The following POLE2 variants were observed in gnomAD, a reference collection of about 807,000 sequenced individuals.
The protein encoded by POLE2 is DNA polymerase epsilon 2, accessory subunit.
In POLE2, 56 loss-of-function variants were observed where a neutral mutation model predicts 79.4. The ratio of observed to expected loss-of-function variants is 0.71; its 90% confidence interval spans 0.57 to 0.88. The LOEUF (loss-of-function observed/expected upper bound fraction) is 0.88, where lower values mean the gene tolerates loss of function less well. Ranked by LOEUF, POLE2 falls within the 40% of genes least tolerant of loss-of-function variation. The probability of loss-of-function intolerance (pLI) is 0.00; values close to 1 mark genes in which losing one functional copy is unlikely to be tolerated. For synonymous variants in POLE2, 212 were observed against 214.0 expected, an observed-to-expected ratio of 0.99 and a Z score of 0.08; for missense variants, 598 against 638.9, an observed-to-expected ratio of 0.94 and a Z score of 0.69.
intron 10 of POLE2, among the ~76,000 whole-genome samples, chr14:49,660,903 G>A (rs1306624721): frequency 1.3e-5 from 2 of 152,110 alleles, no homozygotes; most frequent in Non-Finnish European, 2.9e-5. Context: ...AAAAAAGTTT[G>A]TGACCATGGA....
Position 49,666,363 on chromosome 14 carries a change from C to G in POLE2, c.543G>C (p.Ala181=). The change falls in exon 7 of 19, where the codon GCG becomes GCC. Residue 181 remains alanine, a synonymous_variant. Coordinates refer to ENST00000216367, the MANE Select transcript of POLE2 (RefSeq NM_002692.4). The part of the protein sequence containing the change: ...LLGSTTKIGD[A]IVLGMITQLK... ...ACTGCGTTATCATTCCAAGAACAAT[C>G]GCATCTCCGATTTTGGTTGTACTAC... 1 of 1,548,942 alleles carries G rather than the reference C, an allele frequency of 6.5e-7. No individual in the cohort carries two copies. The highest frequency in any genetic ancestry group is 8.7e-7 in the Non-Finnish European group (1 of 1,146,950).
rs187825020 is a variant in POLE2 at position 49,649,985 on chromosome 14, C to T, written c.1497+280G>A. 453 of 182,428 alleles carry T rather than the reference C, an allele frequency of 2.5e-3. 2 individuals carry two copies. The highest frequency in any genetic ancestry group is 5.5e-3 in the African/African-American group (235 of 42,802). The allele number at this position is 182,428 out of a possible 1,614,324, so 11.3% of individuals were successfully genotyped here. A position where few individuals can be genotyped will look rare whatever the true frequency, so the allele number is the denominator to read the frequency against. On this transcript the variant is annotated intron_variant, in intron 17 of 18. Coordinates refer to ENST00000216367, the MANE Select transcript of POLE2 (RefSeq NM_002692.4). ...CCAGAAAGGAATCCCAAGATAAGTT[C>T]TGAAGAGGAGAAAATTACTCTTTTG...
chr14:49,679,619 A>T, intron 3 of POLE2, 106 bp downstream of exon 3: 2 of 613,512 alleles, frequency 3.3e-6, no homozygotes, highest in Non-Finnish European at 5.9e-6. Context: ...TAACAACAGT[A>T]ATCACTGTAG....
At chr14:49,662,361 G>A (rs1885159074) in intron 10 of POLE2, among the ~76,000 whole-genome samples, 1 of 152,194 alleles carries the variant, frequency 6.6e-6, no homozygotes, top group Non-Finnish European at 1.5e-5. Flanking sequence ...ACAGTGGTGC[G>A]ATCTCGGCTC....
At chr14:49,649,186 G>T (rs1884005500) in intron 17 of POLE2, among the ~76,000 whole-genome samples, 1 of 119,148 alleles carries the variant, frequency 8.4e-6, no homozygotes, top group South Asian at 2.5e-4. Flanking sequence ...TCGCTCAGCT[G>T]CCCAGGCTGG....
At chr14:49,646,304 T>TTTTTG in intron 18 of POLE2, among the ~76,000 whole-genome samples, 1 of 43,268 alleles carries the variant, frequency 2.3e-5, no homozygotes, top group African/African-American at 8.6e-5. Flanking sequence ...TTTTGTTGGT[T>TTTTTG]TTTTTTTTTT....
chr14:49,666,143 C>T (rs1885474539), intron 7 of POLE2, among the ~76,000 whole-genome samples, 187 bp downstream of exon 7: 2 of 152,102 alleles, frequency 1.3e-5, no homozygotes, highest in South Asian at 4.1e-4. Flanking sequence ...CATTATTTAT[C>T]CTTGTTCCAA....
chr14:49,676,242 T>C (rs147105923), intron 3 of POLE2, among the ~76,000 whole-genome samples: 220 of 152,310 alleles, frequency 1.4e-3, no homozygotes, highest in African/African-American at 5.1e-3. Flanking sequence ...AGTTAAAAAT[T>C]TCCACAGCAC....
intron 10 of POLE2, among the ~76,000 whole-genome samples, chr14:49,660,996 C>T (rs1885062729): frequency 6.6e-6 from 1 of 152,140 alleles, no homozygotes; most frequent in Admixed American, 6.5e-5. Flanking sequence ...GTGGCAGGAT[C>T]TCAGCTCACT....
At chr14:49,649,720 A>C (rs2139607546) in intron 17 of POLE2, among the ~76,000 whole-genome samples, 1 of 152,306 alleles carries the variant, frequency 6.6e-6, no homozygotes, top group East Asian at 1.9e-4. Flanking sequence ...AAGTGCTGGG[A>C]TTACAGGTGT....
intron 6 of POLE2, among the ~76,000 whole-genome samples, 160 bp from the exon 7 acceptor site, chr14:49,666,573 T>C (rs12884076): frequency 0.19 from 29,583 of 152,114 alleles, 3,142 homozygotes; most frequent in African/African-American, 0.26. Context: ...AAATTAAACT[T>C]AGGATGTTTA....
chr14:49,656,312 C>T (rs1334916384), intron 10 of POLE2, among the ~76,000 whole-genome samples: 3 of 150,206 alleles, frequency 2.0e-5, no homozygotes, highest in Non-Finnish European at 3.0e-5. Context: ...GCCGAGATTG[C>T]GCCACTGCAC....
intron 13 of POLE2, 151 bp from the exon 14 acceptor site, chr14:49,654,365 C>G (rs1884493488): frequency 7.9e-6 from 5 of 632,306 alleles, no homozygotes; most frequent in South Asian, 6.4e-5. Flanking sequence ...AGTCTCCAGA[C>G]CAACACTGTC....
Position 49,650,396 on chromosome 14 carries a change from G to C in POLE2, c.1366C>G (p.Leu456Val), listed in dbSNP as rs34574266. Reference protein sequence around the residue: ...LSQGHLTPLPLYVCPVYWAYD... With the variant: ...LSQGHLTPLPVYVCPVYWAYD... ...GCCCAATACACTGGGCAGACATAAA[G>C]AGGTAGGGGAGTCAGATGTCCTTGG... Residue 456 changes from leucine to valine, a missense_variant, in exon 17 of 19, where the codon CTT becomes GTT. Transcript: ENST00000216367. 946 of 1,583,400 alleles carry C rather than the reference G, an allele frequency of 6.0e-4. 7 individuals are homozygous for C. The African/African-American group carries it at 0.01, about 17-fold the overall frequency.
chr14:49,663,457 C>A, intron 9 of POLE2, 70 bp from the exon 10 acceptor site: 1 of 1,069,738 alleles, frequency 9.3e-7, no homozygotes, highest in South Asian at 1.5e-5. Flanking sequence ...TATGTTACAA[C>A]AAAGCAATAA....
chr14:49,669,386 G>A, intron 6 of POLE2, 138 bp downstream of exon 6: 4 of 587,604 alleles, frequency 6.8e-6, no homozygotes, highest in Non-Finnish European at 1.2e-5. Flanking sequence ...TGTATCAAAA[G>A]TGGGCATGCA....
chr14:49,671,593 G>C (rs1011356851), intron 5 of POLE2, among the ~76,000 whole-genome samples: 5 of 144,692 alleles, frequency 3.5e-5, no homozygotes, highest in Admixed American at 7.1e-5. Context: ...CTCAAGCCTG[G>C]GCAACAGAGT....
In POLE2 at chr14:49,643,670, G is replaced by A; in HGVS notation, c.1566C>T (p.Ser522=). The part of the protein sequence containing the change: ...FYPSNKTVED[S]KLQGF ...AAGAATCTCAAAAGCCTTGAAGTTT[G>A]CTGAAAATAGAAAAAAAAATTAAAT... is the stretch of plus-strand genomic sequence containing the variant. Residue 522 remains serine, a splice_region_variant and synonymous_variant, in exon 19 of 19, where the codon AGC becomes AGT. Coordinates refer to ENST00000216367, the MANE Select transcript of POLE2 (RefSeq NM_002692.4). 2.2e-6 allele frequency: 3 copies of A among 1,381,812 alleles called. No homozygotes were observed. Among genetic ancestry groups the A allele is most frequent in the Admixed American group, 2.1e-5 (1 of 48,558 alleles). 85.6% of individuals were successfully genotyped at this position (1,381,812 alleles called of 1,614,324 possible). A position where few individuals can be genotyped will look rare whatever the true frequency, so the allele number is the denominator to read the frequency against.
At chr14:49,679,827 T>C (rs1218518284) in intron 2 of POLE2, 27 bp from the exon 3 acceptor site, 9 of 1,386,082 alleles carry the variant, frequency 6.5e-6, no homozygotes, top group Admixed American at 1.9e-5. Context: ...AAAGTCAAAA[T>C]TTAAAAACAA....
Sources: gnomAD v4.1 joint callset for allele counts (sites outside exome capture counted in the v4.1 genomes callset) on GRCh38, gnomAD v4.1.1 for gene constraint, MANE v1.5 for transcripts, NCBI Gene and HGNC (gene_info 2026-07-23, HGNC 2026-07-21) for gene names.